Variants in MAP2 observed in about 807,000 individuals in gnomAD.
MAP2 encodes microtubule associated protein 2, also known as microtubule-associated protein 2.
A neutral mutation model predicts 137.6 loss-of-function variants in MAP2; 14 were observed. The observed-to-expected ratio is 0.10, with a 90% CI of 0.07 to 0.16. The LOEUF (loss-of-function observed/expected upper bound fraction) is 0.16. Among genes scored for constraint, MAP2 ranks in the 10% least tolerant of loss-of-function variants. The pLI is 1.00. For missense variants in MAP2, 2,088 were observed against 2,191.5 expected (o/e 0.95, Z 0.94); for synonymous variants, 786 against 782.3 (o/e 1.00, Z -0.08).
intron 13 of MAP2, among the ~76,000 whole-genome samples, chr2:209,717,849 CTCCTCTAATGTCT>C (rs1357205460): frequency 2.6e-5 from 4 of 152,028 alleles, no homozygotes; most frequent in Non-Finnish European, 4.4e-5. Flanking sequence ...GTTTCTTGTC[CTCCTCTAATGTCT>C]TCCCCTTATT....
chr2:209,432,019 A>G (rs1233839696), intron 1 of MAP2, among the ~76,000 whole-genome samples: 2 of 152,144 alleles, frequency 1.3e-5, no homozygotes, highest in Admixed American at 1.3e-4. Context: ...TTGGAAAGCC[A>G]ATGAGCTTTT....
At chr2:209,528,739 T>A (rs2064504787) in intron 2 of MAP2, among the ~76,000 whole-genome samples, 1 of 146,118 alleles carries the variant, frequency 6.8e-6, no homozygotes, top group African/African-American at 2.8e-5. Flanking sequence ...TAAATATACA[T>A]GTATATATGT....
At chr2:209,564,580 A>C (rs1178332941) in intron 2 of MAP2, among the ~76,000 whole-genome samples, 1 of 150,220 alleles carries the variant, frequency 6.7e-6, no homozygotes, top group Non-Finnish European at 1.5e-5. Context: ...AAAAAAAAAA[A>C]AAACCAAAAG....
rs1278847461 is a variant in MAP2 at position 209,710,132 on chromosome 2, C to T, written c.4951C>T (p.Pro1651Ser). The change falls in exon 13 of 16, where the codon CCA becomes TCA. Residue 1651 changes from proline to serine, a missense_variant. This residue lies in a region of MAP2 where 591 missense variants were observed against 642.6 expected (regional missense o/e 0.92). Transcript: ENST00000682079. ...GAAGGTCGCCATCATACGTACTCCT[C>T]CAAAATCTCCTGCGACTCCCAAGCA... The part of the protein sequence containing the change: ...EKKVAIIRTP[P>S]KSPATPKQLR... The T allele has an allele frequency of 6.2e-7, 1 of 1,614,036 alleles. No individual in the cohort carries two copies. Among genetic ancestry groups the T allele is most frequent in the South Asian group, 1.1e-5 (1 of 91,074 alleles).
intron 7 of MAP2, among the ~76,000 whole-genome samples, chr2:209,688,605 G>T (rs1035247542): frequency 6.6e-6 from 1 of 152,134 alleles, no homozygotes; most frequent in African/African-American, 2.4e-5. Context: ...TGAAGGAAAT[G>T]ATTCAAAGCC....
At chr2:209,476,859 A>G (rs76397973) in intron 1 of MAP2, among the ~76,000 whole-genome samples, 1 of 152,084 alleles carries the variant, frequency 6.6e-6, no homozygotes, top group Non-Finnish European at 1.5e-5. Flanking sequence ...AGCTCTTTGG[A>G]AAAAAAATAA....
intron 3 of MAP2, among the ~76,000 whole-genome samples, chr2:209,615,660 TAGGCAGATAC>T (rs1327828718): frequency 6.6e-6 from 1 of 152,130 alleles, no homozygotes; most frequent in Non-Finnish European, 1.5e-5. Context: ...GCCAAATGCC[TAGGCAGATAC>T]AGGCAGGTCC....
At chr2:209,703,010 G>A (rs1292125112) in intron 11 of MAP2, among the ~76,000 whole-genome samples, 1 of 152,038 alleles carries the variant, frequency 6.6e-6, no homozygotes, top group Non-Finnish European at 1.5e-5. Context: ...CGCTGGCATA[G>A]CTTTCTCCAA....
intron 1 of MAP2, among the ~76,000 whole-genome samples, chr2:209,449,739 C>T (rs1351189215): frequency 1.3e-5 from 2 of 151,936 alleles, no homozygotes. Context: ...TGATGATTTC[C>T]AGTTTCTTTG....
At chr2:209,497,493 C>T (rs2059893722) in intron 1 of MAP2, among the ~76,000 whole-genome samples, 2 of 152,076 alleles carry the variant, frequency 1.3e-5, no homozygotes, top group South Asian at 4.2e-4. Flanking sequence ...TTATGTTAGA[C>T]TATATTAGGC....
At chr2:209,647,000 C>T (rs1295352451) in intron 4 of MAP2, among the ~76,000 whole-genome samples, 1 of 152,142 alleles carries the variant, frequency 6.6e-6, no homozygotes, top group Non-Finnish European at 1.5e-5. Flanking sequence ...GTACAGGAAG[C>T]ATGATGCTGG....
intron 3 of MAP2, among the ~76,000 whole-genome samples, chr2:209,582,748 T>C (rs1315451855): frequency 6.6e-6 from 1 of 152,160 alleles, no homozygotes; most frequent in African/African-American, 2.4e-5. Context: ...ACTTCTAGAA[T>C]CACATGGCTT....
chr2:209,564,896 T>A (rs539057632), intron 2 of MAP2, among the ~76,000 whole-genome samples: 4 of 152,212 alleles, frequency 2.6e-5, no homozygotes, highest in African/African-American at 9.6e-5. Flanking sequence ...TACTGTTCTG[T>A]TTCTGCCTTT....
At chr2:209,676,913 CA>C (rs2052042508) in intron 5 of MAP2, among the ~76,000 whole-genome samples, 2 of 151,160 alleles carry the variant, frequency 1.3e-5, no homozygotes. Flanking sequence ...ATGTAAGCGG[CA>C]ATTCTCAAAA....
chr2:209,541,930 C>A (rs1421060348), intron 2 of MAP2, among the ~76,000 whole-genome samples: 1 of 152,132 alleles, frequency 6.6e-6, no homozygotes, highest in Non-Finnish European at 1.5e-5. Context: ...GTATTTTGAC[C>A]TCCTACCATG....
chr2:209,477,939 G>A (rs987645225), intron 1 of MAP2, among the ~76,000 whole-genome samples: 18 of 152,000 alleles, frequency 1.2e-4, no homozygotes, highest in Admixed American at 8.5e-4. Flanking sequence ...GGGAGATTGA[G>A]ACTGCAGTGA....
At chr2:209,518,331 A>G (rs987777802) in intron 2 of MAP2, among the ~76,000 whole-genome samples, 2 of 152,118 alleles carry the variant, frequency 1.3e-5, no homozygotes, top group Non-Finnish European at 2.9e-5. Flanking sequence ...AGTGACCTAG[A>G]GAAGATATAA....
intron 3 of MAP2, among the ~76,000 whole-genome samples, chr2:209,586,430 AC>A (rs1313930120): frequency 1.4e-4 from 22 of 152,008 alleles, no homozygotes; most frequent in Non-Finnish European, 2.6e-4. Context: ...AATATGAGAA[AC>A]CTTGCATATC....
intron 2 of MAP2, among the ~76,000 whole-genome samples, chr2:209,523,234 G>A (rs372143942): frequency 1.8e-4 from 27 of 152,122 alleles, no homozygotes; most frequent in African/African-American, 6.3e-4. Context: ...ATGGCATTTC[G>A]CTTTATTCTC....
Sources: gnomAD v4.1 joint callset for allele counts (sites outside exome capture counted in the v4.1 genomes callset) on GRCh38, gnomAD v4.1.1 for gene constraint, gnomAD v4.1.1 regional missense constraint, MANE v1.5 for transcripts, NCBI Gene and HGNC (gene_info 2026-07-23, HGNC 2026-07-21) for gene names.